The following KLHL1 variants were observed in gnomAD, a reference collection of about 807,000 sequenced individuals.
KLHL1 encodes kelch like family member 1, also known as kelch-like protein 1.
KLHL1 carries 47 observed loss-of-function variants against 77.7 expected under a neutral mutation model. The observed-to-expected ratio is 0.60, with a 90% CI of 0.48 to 0.77. The LOEUF (loss-of-function observed/expected upper bound fraction) is 0.77. KLHL1 is among the 30% of genes least tolerant of loss of function. KLHL1 has a pLI of 0.00. For missense variants in KLHL1, 925 were observed against 910.8 expected (o/e 1.02, Z -0.20); for synonymous variants, 360 against 325.2 (o/e 1.11, Z -1.15).
At chr13:69,744,780 CA>C (rs1874138050) in intron 7 of KLHL1, among the ~76,000 whole-genome samples, 1 of 151,794 alleles carries the variant, frequency 6.6e-6, no homozygotes, top group Non-Finnish European at 1.5e-5. Context: ...TTATCTGTGA[CA>C]TTTTTAGTCA....
intron 7 of KLHL1, among the ~76,000 whole-genome samples, chr13:69,772,511 G>A (rs1009394204): frequency 4.6e-5 from 7 of 151,864 alleles, no homozygotes; most frequent in Non-Finnish European, 8.8e-5. Flanking sequence ...AACAAATTAA[G>A]GCTGTTTATT....
At chr13:69,984,647 T>C (rs1420723464) in intron 1 of KLHL1, among the ~76,000 whole-genome samples, 1 of 152,182 alleles carries the variant, frequency 6.6e-6, no homozygotes, top group Non-Finnish European at 1.5e-5. Flanking sequence ...GGCACTCCTC[T>C]ATCTCTTCAG....
chr13:70,040,204 T>C (rs1448541030), intron 1 of KLHL1, among the ~76,000 whole-genome samples: 1 of 152,186 alleles, frequency 6.6e-6, no homozygotes, highest in Non-Finnish European at 1.5e-5. Context: ...GGAATGTTTT[T>C]ACTTACTGAT....
intron 4 of KLHL1, among the ~76,000 whole-genome samples, chr13:69,891,417 G>T (rs7328510): frequency 0.9 from 137,066 of 152,046 alleles, 62,561 homozygotes; most frequent in East Asian, 0.97. Context: ...CAGGAGAAAA[G>T]AAAATTTTGT....
intron 1 of KLHL1, among the ~76,000 whole-genome samples, chr13:70,010,887 C>T (rs975620278): frequency 7.7e-5 from 11 of 143,456 alleles, no homozygotes; most frequent in South Asian, 4.5e-4. Context: ...AGTGAAACTC[C>T]GTCTCAAAAA....
intron 1 of KLHL1, among the ~76,000 whole-genome samples, chr13:70,097,250 C>T (rs1206967002): frequency 6.6e-6 from 1 of 151,954 alleles, no homozygotes; most frequent in East Asian, 1.9e-4. Flanking sequence ...TCCTATAAGG[C>T]ATTTGCTATA....
intron 1 of KLHL1, among the ~76,000 whole-genome samples, chr13:70,029,463 A>C (rs1400149507): frequency 6.6e-6 from 1 of 152,200 alleles, no homozygotes; most frequent in African/African-American, 2.4e-5. Context: ...ATTCTTAAAG[A>C]AAAGAATTTT....
At chr13:69,782,235 C>T (rs947156941) in intron 7 of KLHL1, among the ~76,000 whole-genome samples, 22 of 152,174 alleles carry the variant, frequency 1.4e-4, no homozygotes, top group East Asian at 1.4e-3. Context: ...CCAGCGTGAG[C>T]GACGCAGAAG....
chr13:69,883,672 A>C (rs887413943), intron 4 of KLHL1, among the ~76,000 whole-genome samples: 9 of 152,266 alleles, frequency 5.9e-5, no homozygotes, highest in African/African-American at 2.2e-4. Flanking sequence ...GGAGCAGTAC[A>C]TATTTGCTGA....
chr13:70,079,443 T>G (rs1341323319), intron 1 of KLHL1, among the ~76,000 whole-genome samples: 1 of 152,206 alleles, frequency 6.6e-6, no homozygotes, highest in Non-Finnish European at 1.5e-5. Context: ...ACTAAATCTA[T>G]TCATGATGCC....
At chr13:69,756,972 A>T (rs73210481) in intron 7 of KLHL1, among the ~76,000 whole-genome samples, 1 of 151,916 alleles carries the variant, frequency 6.6e-6, no homozygotes, top group Non-Finnish European at 1.5e-5. Context: ...AACAAAAAAA[A>T]CTCCAGTTAT....
intron 1 of KLHL1, among the ~76,000 whole-genome samples, chr13:70,077,981 C>G (rs555610085): frequency 6.6e-6 from 1 of 151,970 alleles, no homozygotes; most frequent in Non-Finnish European, 1.5e-5. Context: ...CCATATTTAT[C>G]ATTCTTCTAA....
intron 7 of KLHL1, among the ~76,000 whole-genome samples, chr13:69,772,999 T>G (rs9572271): frequency 6.6e-6 from 1 of 151,598 alleles, no homozygotes; most frequent in South Asian, 2.1e-4. Flanking sequence ...TTCAGGAAGA[T>G]CCGAGTGAGA....
chr13:69,713,021 G>C (rs1211732348), intron 9 of KLHL1, among the ~76,000 whole-genome samples: 1 of 151,716 alleles, frequency 6.6e-6, no homozygotes, highest in African/African-American at 2.4e-5. Flanking sequence ...AGTGAGATGA[G>C]ATCTCACTAT....
At chr13:69,965,120 T>C (rs1884175866) in intron 2 of KLHL1, among the ~76,000 whole-genome samples, 2 of 152,218 alleles carry the variant, frequency 1.3e-5, no homozygotes, top group South Asian at 4.1e-4. Flanking sequence ...TGATGGAAAA[T>C]GGAATTACAA....
chr13:69,975,566 C>A (rs756546317), intron 2 of KLHL1, 54 bp downstream of exon 2: 3 of 1,470,370 alleles, frequency 2.0e-6, no homozygotes, highest in African/African-American at 1.4e-5. Context: ...GCATGCCAGT[C>A]TGGCACTTTT....
intron 6 of KLHL1, among the ~76,000 whole-genome samples, chr13:69,827,752 A>T (rs997905868): frequency 1.3e-5 from 2 of 149,154 alleles, no homozygotes; most frequent in East Asian, 3.9e-4. Flanking sequence ...AAAAAAAAAA[A>T]GTTATTCTTA....
intron 1 of KLHL1, among the ~76,000 whole-genome samples, chr13:70,084,226 T>G (rs559827724): frequency 1.3e-5 from 2 of 152,098 alleles, no homozygotes; most frequent in Non-Finnish European, 2.9e-5. Context: ...GTTGAGAATT[T>G]AAGGAAAAAT....
intron 3 of KLHL1, among the ~76,000 whole-genome samples, chr13:69,955,589 A>T (rs1883841385): frequency 6.6e-6 from 1 of 151,234 alleles, no homozygotes; most frequent in South Asian, 2.1e-4. Context: ...TTTCTTACAC[A>T]TCAATGAACA....
Sources: allele counts gnomAD v4.1 joint callset (sites outside exome capture counted in the v4.1 genomes callset), GRCh38; gene constraint gnomAD v4.1.1; transcripts MANE v1.5; gene names NCBI Gene and HGNC (gene_info 2026-07-23, HGNC 2026-07-21).